Variants in RBMS3 observed in about 807,000 individuals in gnomAD.
The protein encoded by RBMS3 is RNA binding motif single stranded interacting protein 3.
In RBMS3, 27 loss-of-function variants were observed where a neutral mutation model predicts 66.8. That is an observed-to-expected ratio of 0.40 (90% CI 0.30 to 0.56). The LOEUF is 0.56. Among genes scored for constraint, RBMS3 ranks in the 20% least tolerant of loss-of-function variants. RBMS3 has a pLI of 0.40. For missense variants in RBMS3, 513 were observed against 549.5 expected, an observed-to-expected ratio of 0.93 and a Z score of 0.66; for synonymous variants, 188 against 183.0, an observed-to-expected ratio of 1.03 and a Z score of -0.22.
intron 2 of RBMS3, among the ~76,000 whole-genome samples, chr3:29,451,885 A>C (rs1400659242): frequency 2.0e-5 from 3 of 152,210 alleles, no homozygotes; most frequent in African/African-American, 7.2e-5. Context: ...AATCGTGTGA[A>C]CAAATCATGG....
At chr3:29,528,372 C>G (rs2148988465) in intron 3 of RBMS3, among the ~76,000 whole-genome samples, 1 of 152,182 alleles carries the variant, frequency 6.6e-6, no homozygotes, top group Middle Eastern at 3.4e-3. Flanking sequence ...CTTGGCCTAC[C>G]AAAGTGCTGG....
At chr3:29,632,121 G>T (rs1056376160) in intron 4 of RBMS3, among the ~76,000 whole-genome samples, 1 of 151,918 alleles carries the variant, frequency 6.6e-6, no homozygotes, top group Non-Finnish European at 1.5e-5. Flanking sequence ...CTGGGCATGT[G>T]CTTTGATGTG....
At chr3:29,621,024 GC>G (rs2048847415) in intron 4 of RBMS3, among the ~76,000 whole-genome samples, 4 of 152,084 alleles carry the variant, frequency 2.6e-5, no homozygotes, top group Admixed American at 6.5e-5. Flanking sequence ...TCTATTCCAT[GC>G]CCTTAAGTCA....
chr3:29,838,577 TCA>T (rs2058586360), intron 6 of RBMS3, among the ~76,000 whole-genome samples: 1 of 152,156 alleles, frequency 6.6e-6, no homozygotes, highest in African/African-American at 2.4e-5. Flanking sequence ...TCCCACTTTG[TCA>T]CAGTGTTTTG....
intron 4 of RBMS3, among the ~76,000 whole-genome samples, chr3:29,659,109 G>A (rs866798812): frequency 8.5e-5 from 13 of 152,152 alleles, no homozygotes; most frequent in African/African-American, 3.1e-4. Context: ...GAGCCACAGC[G>A]CCCAGCCTTT....
intron 3 of RBMS3, among the ~76,000 whole-genome samples, chr3:29,528,138 G>A (rs1272348239): frequency 7.4e-5 from 10 of 135,816 alleles, no homozygotes; most frequent in Non-Finnish European, 1.2e-4. Flanking sequence ...TTTGAGATAT[G>A]GTCTCTCTCT....
intron 4 of RBMS3, among the ~76,000 whole-genome samples, chr3:29,631,766 T>G (rs1405642315): frequency 1.3e-5 from 2 of 151,904 alleles, no homozygotes; most frequent in African/African-American, 4.8e-5. Flanking sequence ...TATTTTGTTC[T>G]GTTTGCAGAG....
intron 4 of RBMS3, among the ~76,000 whole-genome samples, chr3:29,723,199 C>A (rs560553281): frequency 6.6e-6 from 1 of 152,158 alleles, no homozygotes; most frequent in Non-Finnish European, 1.5e-5. Context: ...CTGGTCTCAA[C>A]TCCTGACCTC....
At chr3:29,763,477 T>C (rs1384347329) in intron 6 of RBMS3, among the ~76,000 whole-genome samples, 3 of 152,088 alleles carry the variant, frequency 2.0e-5, no homozygotes, top group African/African-American at 7.2e-5. Context: ...GTGCATAATT[T>C]TCTTTTACAA....
intron 4 of RBMS3, among the ~76,000 whole-genome samples, chr3:29,712,777 A>C (rs1466665498): frequency 1.3e-5 from 2 of 152,178 alleles, no homozygotes; most frequent in Non-Finnish European, 2.9e-5. Flanking sequence ...GTCCTTGGAC[A>C]TCAGAACTTC....
At chr3:29,885,209 G>T (rs2059841598) in intron 8 of RBMS3, among the ~76,000 whole-genome samples, 1 of 151,840 alleles carries the variant, frequency 6.6e-6, no homozygotes, top group Non-Finnish European at 1.5e-5. Flanking sequence ...CCTTCAAGAG[G>T]CTCACAATCT....
At chr3:29,859,598 G>A (rs529170537) in intron 6 of RBMS3, among the ~76,000 whole-genome samples, 1 of 152,246 alleles carries the variant, frequency 6.6e-6, no homozygotes, top group East Asian at 1.9e-4. Flanking sequence ...GGATCTATAC[G>A]CCATTCAGCA....
intron 4 of RBMS3, among the ~76,000 whole-genome samples, chr3:29,625,700 GTAAATAAA>G (rs35124957): frequency 1.3e-3 from 180 of 139,996 alleles, no homozygotes; most frequent in South Asian, 3.8e-3. Flanking sequence ...CGCCATTAAA[GTAAATAAA>G]TAAATAAATA....
intron 4 of RBMS3, among the ~76,000 whole-genome samples, chr3:29,637,352 C>G (rs1419392845): frequency 6.6e-6 from 1 of 151,772 alleles, no homozygotes; most frequent in Non-Finnish European, 1.5e-5. Context: ...TACCCACCAC[C>G]ACCTCCGAAA....
chr3:29,928,910 C>T (rs750506911), intron 10 of RBMS3, among the ~76,000 whole-genome samples: 44 of 152,154 alleles, frequency 2.9e-4, no homozygotes, highest in Non-Finnish European at 5.1e-4. Context: ...ATTAGTTATG[C>T]GATTGGAATC....
At chr3:29,883,956 T>C (rs1450556404) in intron 7 of RBMS3, among the ~76,000 whole-genome samples, 60 of 151,976 alleles carry the variant, frequency 3.9e-4, no homozygotes, top group Non-Finnish European at 2.9e-5. Flanking sequence ...TCTGAATATA[T>C]AATATAAACT....
At chr3:29,513,394 A>T (rs976604991) in intron 3 of RBMS3, among the ~76,000 whole-genome samples, 2 of 152,146 alleles carry the variant, frequency 1.3e-5, no homozygotes, top group African/African-American at 4.8e-5. Context: ...AAATCCTTTT[A>T]TTTCCTCTGT....
intron 3 of RBMS3, among the ~76,000 whole-genome samples, chr3:29,571,441 G>GT (rs1229644504): frequency 3.9e-5 from 6 of 152,068 alleles, no homozygotes; most frequent in Non-Finnish European, 8.8e-5. Flanking sequence ...ATTTTGATAT[G>GT]TTTTTTGTAT....
intron 2 of RBMS3, among the ~76,000 whole-genome samples, chr3:29,481,256 G>A (rs2043121018): frequency 6.6e-6 from 1 of 152,122 alleles, no homozygotes. Flanking sequence ...GGAGATGAGA[G>A]GCTTTGAAAG....
Sources: gnomAD v4.1 joint callset for allele counts (sites outside exome capture counted in the v4.1 genomes callset) on GRCh38, gnomAD v4.1.1 for gene constraint, MANE v1.5 for transcripts, NCBI Gene and HGNC (gene_info 2026-07-23, HGNC 2026-07-21) for gene names.